The following TARBP1 variants were observed in gnomAD, a reference collection of about 807,000 sequenced individuals.
The protein encoded by TARBP1 is tRNA guanosine 2 -O-methyltransferase TARBP1.
Under a neutral mutation model 178.6 loss-of-function variants are expected in TARBP1, and 144 were observed. The ratio of observed to expected loss-of-function variants is 0.81; its 90% confidence interval spans 0.70 to 0.93. The LOEUF is 0.93. TARBP1 is among the 40% of genes least tolerant of loss of function. TARBP1 has a pLI of 0.00. For synonymous variants in TARBP1, 787 were observed against 781.0 expected (o/e 1.01, Z -0.13); for missense variants, 2,067 against 2,011.7 (o/e 1.03, Z -0.53).
chr1:234,447,081 CA>C, intron 11 of TARBP1, 106 bp from the exon 12 acceptor site: 1 of 1,184,602 alleles, frequency 8.4e-7, no homozygotes, highest in Non-Finnish European at 1.2e-6. Context: ...TCCAATTAGA[CA>C]AAGTTACTCT....
chr1:234,476,510 G>A (rs1022723747), intron 1 of TARBP1, among the ~76,000 whole-genome samples: 2 of 152,206 alleles, frequency 1.3e-5, no homozygotes, highest in African/African-American at 2.4e-5. Flanking sequence ...GAAAACCTCT[G>A]ATGATCTGAT....
In TARBP1 at chr1:234,476,518, G is replaced by A. The variant is rs551333372; in HGVS notation, c.931+1655C>T. Among the ~76,000 whole-genome samples the A allele has an allele frequency of 1.3e-4, 20 of 152,314 alleles. No individual in the cohort carries two copies. The East Asian group carries it at 3.9e-3, about 29-fold the overall frequency. On this transcript the variant is annotated intron_variant, in intron 1 of 29. Coordinates refer to ENST00000040877, the MANE Select transcript of TARBP1 (RefSeq NM_005646.4). Reference sequence around the variant, plus strand: ...TCTTCAGGAAAACCTCTGATGATCTGATTTTGTAGAGGAAAGATTTAGTCA... The same window carrying A: ...TCTTCAGGAAAACCTCTGATGATCTAATTTTGTAGAGGAAAGATTTAGTCA...
At chr1:234,475,506 A>G (rs2103318651) in intron 1 of TARBP1, among the ~76,000 whole-genome samples, 1 of 152,340 alleles carries the variant, frequency 6.6e-6, no homozygotes, top group Non-Finnish European at 1.5e-5. Context: ...GGAGGAGGGC[A>G]GGACGCTACA....
chr1:234,429,067 C>G (rs1664103245), intron 17 of TARBP1, 69 bp downstream of exon 17: 1 of 1,386,298 alleles, frequency 7.2e-7, no homozygotes, highest in East Asian at 2.4e-5. Context: ...GAATACAACT[C>G]TCATGTTCCT....
chr1:234,418,004 T>C lies in TARBP1; in HGVS notation c.3705+80A>G, dbSNP rs111441840. 3.2e-4 allele frequency: 293 copies of C among 904,616 alleles called. 3 individuals carry two copies. In the African/African-American group the frequency reaches 4.0e-3, roughly 12 times the overall value. The allele number at this position is 904,616 out of a possible 1,614,324, so 56.0% of individuals were successfully genotyped here. On this transcript the variant is annotated intron_variant, in intron 22 of 29. Transcript: ENST00000040877. ...AGGGCAACTGAGAGTCAAAAACAAC[T>C]ATTTAAGTGAAACAAATCTCCCAGC...
chr1:234,427,633 T>C lies in TARBP1; in HGVS notation c.3194A>G (p.Tyr1065Cys). 6.3e-7 allele frequency: 1 copy of C among 1,599,576 alleles called. No homozygotes were observed. The highest frequency in any genetic ancestry group is 1.8e-5 in the Admixed American group (1 of 55,368). The change falls in exon 18 of 30, where the codon TAT (tyrosine) becomes TGT (cysteine). Residue 1065 changes from tyrosine to cysteine, a missense_variant. By Grantham distance (194) the Tyr-to-Cys change is radical. Transcript: ENST00000040877. ...ACAAGCCTCAAGGATAAGTTCGCTA[T>C]AATTTTTAGCACTTGATAAAGATCC... ...SQGSLSSAKN[Y>C]SELILEACIF...
At chr1:234,446,078 A>G (rs1175460131) in intron 12 of TARBP1, among the ~76,000 whole-genome samples, 1 of 152,202 alleles carries the variant, frequency 6.6e-6, no homozygotes, top group African/African-American at 2.4e-5. Flanking sequence ...GCATATATGA[A>G]AATATAATCG....
At position 234,457,750 on chromosome 1, in the gene TARBP1, C is replaced by G. The variant is rs1472588758; in HGVS notation, c.1639G>C (p.Val547Leu). 1.9e-6 allele frequency: 3 copies of G among 1,607,658 alleles called. No homozygotes were observed. The highest frequency in any genetic ancestry group is 3.4e-5 in the Admixed American group (2 of 59,464). ...AAAGTTGAGACATCAGAAAGTGACACTTTCTCCTGGGCAGGGCAGGAAAGG... is the reference window on the plus strand; with the variant it reads ...AAAGTTGAGACATCAGAAAGTGACAGTTTCTCCTGGGCAGGGCAGGAAAGG... ...TAMNLLDVEK[V>L]SLSDVSTFLM... Residue 547 changes from valine to leucine, a missense_variant, in exon 9 of 30, where the codon GTG becomes CTG. By Grantham distance (32) the Val-to-Leu change is conservative. Transcript: ENST00000040877.
intron 20 of TARBP1, among the ~76,000 whole-genome samples, chr1:234,425,424 T>C (rs1390563598): frequency 6.6e-6 from 1 of 152,202 alleles, no homozygotes; most frequent in African/African-American, 2.4e-5. Context: ...CTCACTATGT[T>C]GCCCCAGCTG....
intron 8 of TARBP1, among the ~76,000 whole-genome samples, chr1:234,458,408 G>C (rs982837319): frequency 1.3e-5 from 2 of 152,142 alleles, no homozygotes; most frequent in Admixed American, 6.6e-5. Context: ...AAACCACCTA[G>C]GTCTTTCATT....
At chr1:234,473,245 T>C (rs1007653194) in intron 1 of TARBP1, among the ~76,000 whole-genome samples, 2 of 152,242 alleles carry the variant, frequency 1.3e-5, no homozygotes, top group Non-Finnish European at 2.9e-5. Flanking sequence ...TGATTTATGC[T>C]GCAAAATCCC....
chr1:234,427,184 T>G, intron 19 of TARBP1, 133 bp downstream of exon 19: 1 of 586,212 alleles, frequency 1.7e-6, no homozygotes, highest in Non-Finnish European at 3.0e-6. Flanking sequence ...AACATACTTT[T>G]AAAGGCTCAT....
rs569975291 is a variant in TARBP1 at position 234,405,679 on chromosome 1, A to C, written c.3989+224T>G. Among the ~76,000 whole-genome samples the C allele has an allele frequency of 4.6e-4, 70 of 152,336 alleles. No homozygotes were observed. The South Asian group carries it at 0.015, about 32-fold the overall frequency. ...AGATTATTTGTACAATAAAGGATTG[A>C]GGATAAAAGGGCAATAAGAGGTCAA... On this transcript the variant is annotated intron_variant, in intron 24 of 29. Transcript: ENST00000040877.
At chr1:234,456,179 A>C (rs913307228) in intron 9 of TARBP1, among the ~76,000 whole-genome samples, 3 of 152,222 alleles carry the variant, frequency 2.0e-5, no homozygotes, top group Admixed American at 6.5e-5. Flanking sequence ...ATAAATAAAA[A>C]CATATAGAAA....
In TARBP1 at chr1:234,410,444, C is replaced by T. The variant is rs1043426303; in HGVS notation, c.3792+1G>A. On this transcript the variant is annotated splice_donor_variant, in intron 23 of 29. Coordinates refer to ENST00000040877, the MANE Select transcript of TARBP1 (RefSeq NM_005646.4). LOFTEE classifies it high-confidence loss of function. ...GTTTAAATTCTTACAAACAAACTTA[C>T]CTTTTCTGGAATATTTTGAGTAATA... is the stretch of plus-strand genomic sequence containing the variant. 3 of 1,448,998 alleles carry T rather than the reference C, an allele frequency of 2.1e-6. No individual in the cohort carries two copies. Among genetic ancestry groups the T allele is most frequent in the East Asian group, 2.4e-5 (1 of 42,284 alleles). The allele number at this position is 1,448,998 out of a possible 1,614,324, so 89.8% of individuals were successfully genotyped here. A position where few individuals can be genotyped will look rare whatever the true frequency, so the allele number is the denominator to read the frequency against.
chr1:234,452,638 C>T (rs1015369335), intron 9 of TARBP1, among the ~76,000 whole-genome samples: 2 of 152,140 alleles, frequency 1.3e-5, no homozygotes, highest in African/African-American at 2.4e-5. Context: ...TAGTATGGTT[C>T]GAAAGACAGC....
intron 10 of TARBP1, among the ~76,000 whole-genome samples, chr1:234,450,079 T>G (rs1666589929): frequency 6.6e-6 from 1 of 152,180 alleles, no homozygotes; most frequent in Non-Finnish European, 1.5e-5. Context: ...ATGCATATAT[T>G]TCCACTACAG....
chr1:234,400,047 T>TAAAAACA (rs1553273503), intron 25 of TARBP1, among the ~76,000 whole-genome samples: 1 of 148,224 alleles, frequency 6.7e-6, no homozygotes, highest in Non-Finnish European at 1.5e-5. Flanking sequence ...AATAATAAAA[T>TAAAAACA]AAAAACAAAA....
chr1:234,440,480 A>G (rs1665477924), intron 12 of TARBP1, among the ~76,000 whole-genome samples: 1 of 151,966 alleles, frequency 6.6e-6, no homozygotes, highest in African/African-American at 2.4e-5. Flanking sequence ...AGTGCACATG[A>G]GTAAGCACGC....
Sources: allele counts gnomAD v4.1 joint callset (sites outside exome capture counted in the v4.1 genomes callset), GRCh38; gene constraint gnomAD v4.1.1; transcripts MANE v1.5; gene names NCBI Gene and HGNC (gene_info 2026-07-23, HGNC 2026-07-21).